Variants in TFEC observed in about 807,000 individuals in gnomAD.
TFEC encodes the protein class E basic helix-loop-helix protein 34.
TFEC carries 31 observed loss-of-function variants against 41.6 expected under a neutral mutation model. That is an observed-to-expected ratio of 0.74 (90% CI 0.56 to 1.01). The LOEUF (loss-of-function observed/expected upper bound fraction) is 1.01, where lower values mean the gene tolerates loss of function less well. Among genes scored for constraint, TFEC ranks in the 50% least tolerant of loss-of-function variants. TFEC has a pLI of 0.00. For missense variants in TFEC, 402 were observed against 404.1 expected (o/e 0.99, Z 0.04); for synonymous variants, 143 against 140.6 (o/e 1.02, Z -0.12).
At chr7:115,942,601 C>T (rs1200799944) in intron 6 of TFEC, among the ~76,000 whole-genome samples, 1 of 152,004 alleles carries the variant, frequency 6.6e-6, no homozygotes, top group African/African-American at 2.4e-5. Context: ...CTTTCTAAAA[C>T]CATTCAGTCA....
chr7:115,990,806 T>C (rs879908049), intron 1 of TFEC, among the ~76,000 whole-genome samples: 1 of 152,186 alleles, frequency 6.6e-6, no homozygotes, highest in Non-Finnish European at 1.5e-5. Flanking sequence ...GAAAACACTC[T>C]TCAGGATATC....
chr7:116,030,754 A>C lies in TFEC; in HGVS notation c.-194T>G. ...AACCAAAGTAAACGATCTAGCCGTG[A>C]GTAATGAATACTTTGGGCTGGTTGG... is the stretch of plus-strand genomic sequence containing the variant. On this transcript the variant is annotated 5_prime_UTR_variant, in exon 1 of 8. Transcript: ENST00000265440. 1.0e-6 allele frequency: 1 copy of C among 985,444 alleles called. No individual in the cohort carries two copies. Among genetic ancestry groups the C allele is most frequent in the African/African-American group, 1.7e-5 (1 of 57,374 alleles). 61.0% of individuals were successfully genotyped at this position (985,444 alleles called of 1,614,324 possible).
upstream of TFEC, among the ~76,000 whole-genome samples, chr7:116,032,377 G>A (rs1286281484): frequency 6.6e-6 from 1 of 152,024 alleles, no homozygotes; most frequent in Non-Finnish European, 1.5e-5. Context: ...AAAGACACAT[G>A]CACACGTATG....
rs73460630 is a variant in TFEC at position 116,004,482 on chromosome 7, G to A, written c.-72-19969C>T. 5.6e-3 allele frequency among the ~76,000 whole-genome samples: 854 copies of A among 152,140 alleles called. 9 individuals are homozygous for A. The highest frequency in any genetic ancestry group is 0.02 in the African/African-American group (816 of 41,506). On this transcript the variant is annotated intron_variant, in intron 1 of 7. Transcript: ENST00000265440. Reference sequence around the variant, plus strand: ...GATAGTGAAGTGTCAATGTAGGTTCGTCAATATTCACAAATGAACCACTCT... The same window carrying A: ...GATAGTGAAGTGTCAATGTAGGTTCATCAATATTCACAAATGAACCACTCT...
At chr7:115,977,982 G>A (rs1793460279) in intron 2 of TFEC, among the ~76,000 whole-genome samples, 2 of 151,816 alleles carry the variant, frequency 1.3e-5, no homozygotes, top group South Asian at 4.1e-4. Flanking sequence ...ATGGAAGATA[G>A]AAAAAAGAGG....
At chr7:116,096,983 G>A (rs1289490716) in intron 3 of TFEC, among the ~76,000 whole-genome samples, 1 of 152,032 alleles carries the variant, frequency 6.6e-6, no homozygotes, top group South Asian at 2.1e-4. Context: ...CCAGCTACTC[G>A]GGAGGCTGAG....
intron 3 of TFEC, 144 bp downstream of exon 3, chr7:115,974,026 C>T (rs1360022639): frequency 3.3e-6 from 2 of 601,216 alleles, no homozygotes; most frequent in Non-Finnish European, 5.5e-6. Context: ...TTTTTCTGCA[C>T]CAATAAATAT....
chr7:115,960,622 G>C (rs1212514975), intron 3 of TFEC, among the ~76,000 whole-genome samples: 1 of 151,416 alleles, frequency 6.6e-6, no homozygotes, highest in African/African-American at 2.4e-5. Context: ...AATGTATTAA[G>C]GAGAAACTTA....
intron 3 of TFEC, among the ~76,000 whole-genome samples, chr7:116,060,368 A>G (rs1178314563): frequency 6.6e-6 from 1 of 152,132 alleles, no homozygotes; most frequent in Non-Finnish European, 1.5e-5. Flanking sequence ...CTGGATATAT[A>G]CCCAGATGAA....
At chr7:116,108,242 C>A (rs1215070103) in intron 3 of TFEC, among the ~76,000 whole-genome samples, 1 of 152,002 alleles carries the variant, frequency 6.6e-6, no homozygotes, top group Non-Finnish European at 1.5e-5. Context: ...TACTCAAGGT[C>A]AATGAAATAG....
intron 1 of TFEC, among the ~76,000 whole-genome samples, chr7:116,145,879 TAAG>T (rs1798631169): frequency 6.6e-6 from 1 of 152,210 alleles, no homozygotes; most frequent in Admixed American, 6.5e-5. Context: ...AGTAAGACTT[TAAG>T]ACTCAAGTAT....
At chr7:116,025,986 A>G (rs558792693) in intron 1 of TFEC, among the ~76,000 whole-genome samples, 8 of 152,366 alleles carry the variant, frequency 5.3e-5, no homozygotes, top group African/African-American at 1.9e-4. Context: ...TAATAACTCC[A>G]GTCTTTCACC....
intron 3 of TFEC, among the ~76,000 whole-genome samples, chr7:115,969,447 G>T (rs1419258895): frequency 1.3e-5 from 2 of 151,838 alleles, no homozygotes; most frequent in Admixed American, 1.3e-4. Context: ...CTAAAGATCT[G>T]AATCATAAAG....
chr7:115,952,517 T>C (rs1162476870), intron 5 of TFEC, among the ~76,000 whole-genome samples: 1 of 152,070 alleles, frequency 6.6e-6, no homozygotes, highest in Admixed American at 6.6e-5. Context: ...TTTCTCAAAA[T>C]AAGGGACTGT....
At chr7:115,980,205 G>T (rs1299331810) in intron 2 of TFEC, among the ~76,000 whole-genome samples, 2 of 152,148 alleles carry the variant, frequency 1.3e-5, no homozygotes, top group African/African-American at 4.8e-5. Flanking sequence ...AGTCTCTTGT[G>T]AATTCCTGCA....
chr7:116,121,742 G>C (rs1798111574), intron 1 of TFEC, among the ~76,000 whole-genome samples: 1 of 152,022 alleles, frequency 6.6e-6, no homozygotes, highest in African/African-American at 2.4e-5. Context: ...TTTTCAGATA[G>C]AGATAAGACA....
At chr7:116,013,880 T>G (rs1317131858) in intron 1 of TFEC, among the ~76,000 whole-genome samples, 3 of 152,170 alleles carry the variant, frequency 2.0e-5, no homozygotes, top group Non-Finnish European at 2.9e-5. Context: ...GTGTTTCACT[T>G]TGTTTTGTAA....
intron 3 of TFEC, among the ~76,000 whole-genome samples, chr7:116,107,275 C>T (rs901495063): frequency 6.6e-6 from 1 of 152,200 alleles, no homozygotes; most frequent in South Asian, 2.1e-4. Context: ...AACAGACCAT[C>T]CCCTCCCTCT....
upstream of TFEC, among the ~76,000 whole-genome samples, chr7:116,031,936 T>C (rs542731384): frequency 9.9e-5 from 15 of 152,256 alleles, no homozygotes; most frequent in African/African-American, 3.6e-4. Context: ...ATAAACAACA[T>C]TGATATTAGA....
Sources: gnomAD v4.1 joint callset for allele counts (sites outside exome capture counted in the v4.1 genomes callset) on GRCh38, gnomAD v4.1.1 for gene constraint, MANE v1.5 for transcripts, NCBI Gene and HGNC (gene_info 2026-07-23, HGNC 2026-07-21) for gene names.